Variants in SLC6A12 observed in about 807,000 individuals in gnomAD.
SLC6A12 encodes solute carrier family 6 member 12.
SLC6A12 carries 50 observed loss-of-function variants against 73.3 expected under a neutral mutation model. The ratio of observed to expected loss-of-function variants is 0.68; its 90% CI spans 0.54 to 0.86. The LOEUF is 0.86. SLC6A12 is among the 40% of genes least tolerant of loss of function. The pLI is 0.00. For synonymous variants in SLC6A12, 304 were observed against 309.2 expected, an observed-to-expected ratio of 0.98 and a Z score of 0.18; for missense variants, 648 against 772.8, an observed-to-expected ratio of 0.84 and a Z score of 1.92.
At chr12:210,435 T>G in intron 2 of SLC6A12, 7 of 1,045,348 alleles carry the variant, frequency 6.7e-6, no homozygotes, top group Non-Finnish European at 8.1e-6. Flanking sequence ...TCAGAAGGGA[T>G]CAAAGCCTGC....
Position 198,692 on chromosome 12 carries a change from T to C in SLC6A12, c.846+105A>G, listed in dbSNP as rs1481065018. On this transcript the variant is annotated intron_variant, in intron 8 of 15. Coordinates refer to ENST00000684302, the MANE Select transcript of SLC6A12 (RefSeq NM_001122848.3). This position sits in a 1 kb window ranked among gnomAD's most constrained non-coding sequence, Gnocchi z 4.0. The stretch of plus-strand genomic sequence containing the variant: ...TTTTCTAATTTATCTCCAGTGGGCA[T>C]TTATTGCTTTTAAACCAAGGAAAAA... 2.1e-6 allele frequency: 2 copies of C among 949,272 alleles called. No homozygotes were observed. The highest frequency in any genetic ancestry group is 3.3e-5 in the African/African-American group (2 of 60,440). The allele number at this position is 949,272 out of a possible 1,614,324, so 58.8% of individuals were successfully genotyped here.
chr12:188,683 C>A (rs1939489351), downstream of SLC6A12, among the ~76,000 whole-genome samples: 1 of 151,668 alleles, frequency 6.6e-6, no homozygotes, highest in Admixed American at 6.6e-5. Context: ...GTATGCACAC[C>A]CACACACACA....
chr12:191,090 C>T lies in SLC6A12; in HGVS notation c.1823G>A (p.Gly608Glu), dbSNP rs1373932042. 1 of 1,334,358 alleles carries T rather than the reference C, an allele frequency of 7.5e-7. No homozygotes were observed. The highest frequency in any genetic ancestry group is 9.7e-7 in the Non-Finnish European group (1 of 1,031,150). 82.7% of individuals were successfully genotyped at this position (1,334,358 alleles called of 1,614,324 possible). Residue 608 changes from glycine to glutamate, a missense_variant, in exon 16 of 16, where the codon GGG becomes GAG. Physicochemically the swap from Gly to Glu is moderately conservative, Grantham distance 98. Transcript: ENST00000684302. ...PSPTREGLIA[G>E]EKETHL ...ACCCTACAAATGGGTCTCCTTCTCCCCGGCTATCAGTCCTTCCCTTGTTGG... is the reference window on the plus strand; with the variant it reads ...ACCCTACAAATGGGTCTCCTTCTCCTCGGCTATCAGTCCTTCCCTTGTTGG...
chr12:184,103 T>C, the SLC6A12 span, among the ~76,000 whole-genome samples: 1 of 151,934 alleles, frequency 6.6e-6, no homozygotes, highest in East Asian at 1.9e-4. Context: ...CAAAAAAAAA[T>C]ATGCCATAAC....
At position 200,360 on chromosome 12, in the gene SLC6A12, G is replaced by C. The variant is rs111296348; in HGVS notation, c.711+291C>G. ...CCTGACCTCGTGATCCGCCAGCCTCGGCCTCCCAAAGTGCTGGGATTACAG... is the reference window on the plus strand; with the variant it reads ...CCTGACCTCGTGATCCGCCAGCCTCCGCCTCCCAAAGTGCTGGGATTACAG... On this transcript the variant is annotated intron_variant, in intron 7 of 15. Transcript: ENST00000684302. Among the ~76,000 whole-genome samples the C allele has an allele frequency of 1.6e-3, 243 of 152,114 alleles. 1 individual carries two copies. The highest frequency in any genetic ancestry group is 5.4e-3 in the African/African-American group (224 of 41,480).
At chr12:199,779 G>A (rs1439178124) in intron 7 of SLC6A12, 2 of 152,034 alleles carry the variant, frequency 1.3e-5, no homozygotes, top group Non-Finnish European at 2.9e-5. Context: ...TCTGAATTCT[G>A]TCTATGTGAC....
At chr12:196,468 AG>A (rs1220728932) in intron 11 of SLC6A12, among the ~76,000 whole-genome samples, 1 of 152,142 alleles carries the variant, frequency 6.6e-6, no homozygotes, top group Non-Finnish European at 1.5e-5. Context: ...TGAGGGTTAG[AG>A]GGGGGTATGT....
chr12:197,550 A>AAGAGAG, intron 9 of SLC6A12, 49 bp from the exon 10 acceptor site: 1 of 1,575,770 alleles, frequency 6.3e-7, no homozygotes, highest in Non-Finnish European at 8.6e-7. Flanking sequence ...AAAAGAGAGG[A>AAGAGAG]AGAGAGAGAG....
Position 192,663 on chromosome 12 carries a change from G to A in SLC6A12, c.1531-15C>T. ...AGGAAAGTGGCCTGGGAGAAGGAAGGGGCAGCCATGGGTAAGATAGGGGGC... is the reference window on the plus strand; with the variant it reads ...AGGAAAGTGGCCTGGGAGAAGGAAGAGGCAGCCATGGGTAAGATAGGGGGC... On this transcript the variant is annotated splice_polypyrimidine_tract_variant and intron_variant, in intron 14 of 15. Coordinates refer to ENST00000684302, the MANE Select transcript of SLC6A12 (RefSeq NM_001122848.3). The A allele has an allele frequency of 6.2e-7, 1 of 1,613,700 alleles. No homozygotes were observed. Among genetic ancestry groups the A allele is most frequent in the Non-Finnish European group, 8.5e-7 (1 of 1,179,688 alleles).
chr12:209,873 T>C lies in SLC6A12; in HGVS notation c.114A>G (p.Gln38=), dbSNP rs1166058915. 2.5e-6 allele frequency: 4 copies of C among 1,614,192 alleles called. No homozygotes were observed. Among genetic ancestry groups the C allele is most frequent in the African/African-American group, 1.3e-5 (1 of 75,050 alleles). ...GCACAAACTCCATCTTGTTGGTCCA[T>C]TGGCCCCGATCCTTCACCTGGTCCT... ...EDEDQVKDRG[Q]WTNKMEFVLS... is the part of the protein sequence containing the mutation. The change falls in exon 3 of 16, where the codon CAA becomes CAG. Residue 38 remains glutamine, a synonymous_variant. Transcript: ENST00000684302.
chr12:196,142 C>T lies in SLC6A12; in HGVS notation c.1308G>A (p.Gly436=), dbSNP rs1023187792. ...LTIAVMCYLI[G]LFLVTEGGMY... Reference sequence around the variant, plus strand: ...AGCTCACCTCGGTGACCAGGAAAAGCCCTATCAGGTAGCACATGACGGCGA... The same window carrying T: ...AGCTCACCTCGGTGACCAGGAAAAGTCCTATCAGGTAGCACATGACGGCGA... The change falls in exon 12 of 16, where the codon GGG becomes GGA. Residue 436 remains glycine (G), a synonymous_variant. Transcript: ENST00000684302. 2 of 1,563,676 alleles carry T rather than the reference C, an allele frequency of 1.3e-6. No individual in the cohort carries two copies. Among genetic ancestry groups the T allele is most frequent in the Admixed American group, 1.9e-5 (1 of 51,442 alleles).
Position 204,620 on chromosome 12 carries a change from T to C in SLC6A12, c.293A>G (p.Gln98Arg). The change falls in exon 4 of 16, where the codon CAA (glutamine) becomes CGA (arginine). Residue 98 changes from glutamine to arginine, a missense_variant. Transcript: ENST00000684302. ...PVFFLEVALG[Q>R]YTSQGSVTAW... ...TGTGACACTCCCTTGGCTGGTGTAT[T>C]GGCCCAACGCCACCTCCAGGAAGAA... The C allele has an allele frequency of 6.2e-7, 1 of 1,614,186 alleles. No individual in the cohort carries two copies.
intron 2 of SLC6A12, among the ~76,000 whole-genome samples, chr12:211,499 G>A (rs147284989): frequency 1.2e-3 from 184 of 152,352 alleles, no homozygotes; most frequent in Non-Finnish European, 1.7e-3. Flanking sequence ...TCTCTGTTAT[G>A]AGGGAGAAGG....
At chr12:200,880 G>T in intron 6 of SLC6A12, 97 bp from the exon 7 acceptor site, 2 of 1,328,388 alleles carry the variant, frequency 1.5e-6, no homozygotes, top group Non-Finnish European at 1.0e-6. Flanking sequence ...TGACCCCACG[G>T]ATCTCATATT....
chr12:198,277 C>T lies in SLC6A12; in HGVS notation c.847-274G>A, dbSNP rs1940029343. 6.6e-6 allele frequency among the ~76,000 whole-genome samples: 1 copy of T among 152,236 alleles called. No individual in the cohort carries two copies. Among genetic ancestry groups the T allele is most frequent in the African/African-American group, 2.4e-5 (1 of 41,460 alleles). ...GATTTCTCCAGGGGAATCTACAAAC[C>T]ATGGCTGCACCCAAGGCCTATCTGC... On this transcript the variant is annotated intron_variant, in intron 8 of 15. Coordinates refer to ENST00000684302, the MANE Select transcript of SLC6A12 (RefSeq NM_001122848.3). This position sits in a 1 kb window ranked among gnomAD's most constrained non-coding sequence, Gnocchi z 4.0.
chr12:184,675 G>A, the SLC6A12 span, among the ~76,000 whole-genome samples: 41 of 152,210 alleles, frequency 2.7e-4, no homozygotes, highest in African/African-American at 6.7e-4. Context: ...GCGTGAACCC[G>A]GGAGGCGGAG....
At chr12:184,165 T>A in the SLC6A12 span, among the ~76,000 whole-genome samples, 1 of 152,044 alleles carries the variant, frequency 6.6e-6, no homozygotes, top group African/African-American at 2.4e-5. Flanking sequence ...TAGAAAAATA[T>A]AATAATTTGT....
At chr12:184,163 TATA>T in the SLC6A12 span, among the ~76,000 whole-genome samples, 10 of 151,758 alleles carry the variant, frequency 6.6e-5, no homozygotes, top group Admixed American at 3.3e-4. Flanking sequence ...ATTAGAAAAA[TATA>T]ATAATTTGTT....
rs1253957157 is a variant in SLC6A12 at position 213,213 on chromosome 12, C to T, written c.-143+709G>A. 2.0e-5 allele frequency: 3 copies of T among 152,714 alleles called. No individual in the cohort carries two copies. The highest frequency in any genetic ancestry group is 4.8e-5 in the African/African-American group (2 of 41,458). 9.5% of individuals were successfully genotyped at this position (152,714 alleles called of 1,614,324 possible). A position where few individuals can be genotyped will look rare whatever the true frequency, so the allele number is the denominator to read the frequency against. ...TGGGACACCCAGCCCCTGCTTCAGT[C>T]CACACCCACATACCAACACCCATTC... On this transcript the variant is annotated intron_variant, in intron 1 of 15. Coordinates refer to ENST00000684302, the MANE Select transcript of SLC6A12 (RefSeq NM_001122848.3). This position sits in a 1 kb window ranked among gnomAD's most constrained non-coding sequence, Gnocchi z 5.3.
Sources: allele counts gnomAD v4.1 joint callset (sites outside exome capture counted in the v4.1 genomes callset), GRCh38; gene constraint gnomAD v4.1.1; non-coding constraint Gnocchi (gnomAD v3.1); transcripts MANE v1.5; gene names NCBI Gene and HGNC (gene_info 2026-07-23, HGNC 2026-07-21).